PRUNE2: variants seen among roughly 807,000 people sequenced by gnomAD.
The protein encoded by PRUNE2 is protein prune homolog 2.
PRUNE2 carries 164 observed loss-of-function variants against 252.0 expected under a neutral mutation model. The observed-to-expected ratio is 0.65, with a 90% CI of 0.57 to 0.74. The LOEUF (loss-of-function observed/expected upper bound fraction) is 0.74. PRUNE2 is among the 30% of genes least tolerant of loss of function. The pLI is 0.00. For synonymous variants in PRUNE2, 1,292 were observed against 1,350.2 expected (o/e 0.96, Z 0.94); for missense variants, 3,495 against 3,711.0 (o/e 0.94, Z 1.51).
chr9:76,644,442 C>T (rs1843918880), intron 12 of PRUNE2: 6 of 427,502 alleles, frequency 1.4e-5, no homozygotes, highest in South Asian at 1.2e-4. Flanking sequence ...GAATGCCAAA[C>T]AGACATTTAA....
chr9:76,806,674 A>ATTTTTTT (rs750726403), intron 6 of PRUNE2, among the ~76,000 whole-genome samples: 1 of 134,794 alleles, frequency 7.4e-6, no homozygotes, highest in Non-Finnish European at 1.6e-5. Flanking sequence ...CGCCCGGCTA[A>ATTTTTTT]TTTTTTTTTT....
chr9:76,707,892 T>C lies in PRUNE2; in HGVS notation c.4382A>G (p.Lys1461Arg). ...NFTKYVSVPE[K>R]DLEKTEECNF... ...ACATTCTTCAGTTTTCTCAAGATCC[T>C]TTTCAGGTACAGATACATATTTTGT... is the stretch of plus-strand genomic sequence containing the variant. The change falls in exon 8 of 19, where the codon AAG becomes AGG. Residue 1461 changes from lysine to arginine, a missense_variant. Coordinates refer to ENST00000376718, the MANE Select transcript of PRUNE2 (RefSeq NM_015225.3). The C allele has an allele frequency of 6.2e-7, 1 of 1,613,678 alleles. No homozygotes were observed. The highest frequency in any genetic ancestry group is 8.5e-7 in the Non-Finnish European group (1 of 1,179,700).
Position 76,705,889 on chromosome 9 carries a change from C to G in PRUNE2, c.6385G>C (p.Val2129Leu). The G allele has an allele frequency of 1.9e-6, 3 of 1,613,896 alleles. No homozygotes were observed. The highest frequency in any genetic ancestry group is 2.5e-6 in the Non-Finnish European group (3 of 1,179,888). ...KHLSACMGPE[V>L]ESSELCLTEP... is the part of the protein sequence containing the mutation. ...GTGAGACAAAGCTCACTGGATTCCA[C>G]TTCAGGTCCCATGCAAGCACTGAGG... The change falls in exon 8 of 19, where the codon GTG becomes CTG. Residue 2129 changes from valine (V) to leucine (L), a missense_variant. Physicochemically the swap from Val to Leu is conservative, Grantham distance 32. Transcript: ENST00000376718.
chr9:76,702,696 T>G (rs190389515), intron 9 of PRUNE2, among the ~76,000 whole-genome samples: 1 of 152,246 alleles, frequency 6.6e-6, no homozygotes. Context: ...ACACTGAGAT[T>G]TGGAGACTGC....
intron 16 of PRUNE2, among the ~76,000 whole-genome samples, chr9:76,625,596 C>A (rs769851796): frequency 6.6e-6 from 1 of 152,140 alleles, no homozygotes; most frequent in Non-Finnish European, 1.5e-5. Flanking sequence ...TGCAGTCAAA[C>A]CTCATTATTT....
intron 1 of PRUNE2, among the ~76,000 whole-genome samples, chr9:76,905,095 CT>C (rs1031020569): frequency 6.6e-6 from 1 of 151,418 alleles, no homozygotes; most frequent in East Asian, 1.9e-4. Flanking sequence ...ACAGGCTTTT[CT>C]TTTTTTTTCT....
chr9:76,798,957 G>A (rs1424034919), intron 6 of PRUNE2, among the ~76,000 whole-genome samples: 1 of 152,214 alleles, frequency 6.6e-6, no homozygotes, highest in Non-Finnish European at 1.5e-5. Context: ...TGATAACTTT[G>A]GAAAAGAACT....
intron 9 of PRUNE2, chr9:76,700,122 G>A (rs1162341482): frequency 6.6e-6 from 1 of 152,190 alleles, no homozygotes; most frequent in Non-Finnish European, 1.5e-5. Flanking sequence ...ACAAGAGTCA[G>A]TAGGTGGCAT....
chr9:76,773,838 A>C (rs911072249), intron 6 of PRUNE2, among the ~76,000 whole-genome samples: 4 of 152,230 alleles, frequency 2.6e-5, no homozygotes, highest in South Asian at 2.1e-4. Flanking sequence ...AAACTTACTT[A>C]GGAGACCCCA....
In PRUNE2 at chr9:76,707,184, G is replaced by A; in HGVS notation, c.5090C>T (p.Ser1697Leu). ...SDDDSVGGEE[S>L]IEEEIQVANC... is the part of the protein sequence containing the mutation. ...GGCCACCTGGATCTCTTCCTCTATT[G>A]ACTCTTCACCACCGACACTGTCATC... Residue 1697 changes from serine (S) to leucine (L), a missense_variant, in exon 8 of 19, where the codon TCA becomes TTA. Ser to Leu is a moderately radical substitution (Grantham distance 145). Coordinates refer to ENST00000376718, the MANE Select transcript of PRUNE2 (RefSeq NM_015225.3). 1.2e-6 allele frequency: 2 copies of A among 1,613,868 alleles called. No homozygotes were observed. Among genetic ancestry groups the A allele is most frequent in the African/African-American group, 2.7e-5 (2 of 74,986 alleles).
intron 9 of PRUNE2, among the ~76,000 whole-genome samples, chr9:76,678,403 A>G (rs966876244): frequency 6.7e-5 from 10 of 150,250 alleles, no homozygotes; most frequent in African/African-American, 2.4e-4. Context: ...AGGAGGGAGG[A>G]AGGGAGGAAA....
Position 76,709,956 on chromosome 9 carries a change from C to T in PRUNE2, c.2318G>A (p.Arg773His), listed in dbSNP as rs377232063. 57 of 1,613,530 alleles carry T rather than the reference C, an allele frequency of 3.5e-5. No individual in the cohort carries two copies. Among genetic ancestry groups the T allele is most frequent in the East Asian group, 3.1e-4 (14 of 44,874 alleles). Residue 773 changes from arginine (R) to histidine (H), a missense_variant, in exon 8 of 19, where the codon CGC (arginine) becomes CAC (histidine). Transcript: ENST00000376718. ...GGGCTCGGGCATGGCTGTGGGAGAG[C>T]GACCAGAATGCCACAAAGAAGCAAA... ...EDFASLWHSG[R>H]SPTAMPEPWG...
At chr9:76,641,975 A>C in intron 12 of PRUNE2, 1 of 1,496,086 alleles carries the variant, frequency 6.7e-7, no homozygotes, top group Non-Finnish European at 9.0e-7. Flanking sequence ...AGGTTACCTG[A>C]ATCTCCTATA....
chr9:76,873,100 A>T (rs1236049803), intron 1 of PRUNE2, among the ~76,000 whole-genome samples: 2 of 151,802 alleles, frequency 1.3e-5, no homozygotes, highest in Admixed American at 1.3e-4. Context: ...AGAGGCCTGG[A>T]ACAGATCCCT....
intron 6 of PRUNE2, among the ~76,000 whole-genome samples, chr9:76,781,014 T>C (rs1163825118): frequency 1.3e-5 from 2 of 152,204 alleles, no homozygotes; most frequent in Non-Finnish European, 2.9e-5. Context: ...CTAGTCCCCA[T>C]AGCCAGTCCA....
intron 9 of PRUNE2, among the ~76,000 whole-genome samples, chr9:76,682,649 G>A (rs1003962098): frequency 5.3e-5 from 8 of 152,096 alleles, no homozygotes; most frequent in South Asian, 2.1e-4. Flanking sequence ...GATTATGGGC[G>A]TGAGCCACTG....
chr9:76,763,126 C>A (rs1220223322), intron 6 of PRUNE2, among the ~76,000 whole-genome samples: 2 of 152,178 alleles, frequency 1.3e-5, no homozygotes, highest in Non-Finnish European at 2.9e-5. Flanking sequence ...AGACTGAGGT[C>A]TTCTTCTGGT....
At chr9:76,893,489 T>C (rs188620984) in intron 1 of PRUNE2, among the ~76,000 whole-genome samples, 28 of 152,304 alleles carry the variant, frequency 1.8e-4, no homozygotes, top group African/African-American at 5.1e-4. Flanking sequence ...TCAGGGTGGC[T>C]GAATATAAAT....
intron 9 of PRUNE2, among the ~76,000 whole-genome samples, chr9:76,684,589 A>C (rs1252659252): frequency 6.6e-6 from 1 of 152,168 alleles, no homozygotes; most frequent in Non-Finnish European, 1.5e-5. Context: ...ACTTCCTTAG[A>C]TATCCAGCGT....
Sources: gnomAD v4.1 joint callset for allele counts (sites outside exome capture counted in the v4.1 genomes callset) on GRCh38, gnomAD v4.1.1 for gene constraint, MANE v1.5 for transcripts, NCBI Gene and HGNC (gene_info 2026-07-23, HGNC 2026-07-21) for gene names.